Variants in ERI1 observed in about 807,000 individuals in gnomAD.
ERI1 encodes the protein 3'-5' exoribonuclease 1.
Under a neutral mutation model 39.7 loss-of-function variants are expected in ERI1, and 39 were observed. The observed-to-expected ratio is 0.98, with a 90% CI of 0.76 to 1.28. ERI1 has a LOEUF of 1.28. Ranked by LOEUF, ERI1 falls within the 50% of genes most tolerant of loss-of-function variation. The pLI is 0.00. For missense variants in ERI1, 581 were observed against 416.9 expected (o/e 1.39, Z -3.43); for synonymous variants, 204 against 149.6 (o/e 1.36, Z -2.65).
intron 3 of ERI1, among the ~76,000 whole-genome samples, chr8:9,092,051 G>C (rs1799724160): frequency 6.6e-6 from 1 of 152,118 alleles, no homozygotes. Context: ...CCGCCTCCTG[G>C]GCTCAAGTGA....
At chr8:9,069,900 C>T (rs1042933430) in intron 3 of ERI1, among the ~76,000 whole-genome samples, 23 of 152,084 alleles carry the variant, frequency 1.5e-4, no homozygotes, top group African/African-American at 4.3e-4. Flanking sequence ...TTTAGAAAGT[C>T]GCTCCAGTCA....
intron 3 of ERI1, among the ~76,000 whole-genome samples, chr8:9,084,080 G>A (rs559209932): frequency 3.9e-5 from 6 of 152,182 alleles, no homozygotes; most frequent in East Asian, 3.9e-4. Context: ...GGCGTGAGCC[G>A]CCGTGCCCAG....
intron 3 of ERI1, among the ~76,000 whole-genome samples, chr8:9,076,141 C>T (rs7823386): frequency 0.05 from 7,603 of 152,108 alleles, 576 homozygotes; most frequent in African/African-American, 0.16. Flanking sequence ...GACGAGGGCT[C>T]ACTTATTGCC....
Position 9,055,064 on chromosome 8 carries a change from C to T in ERI1, n.299+34600C>T, listed in dbSNP as rs944891881. On this transcript the variant is annotated intron_variant and non_coding_transcript_variant, in intron 3 of 3. Coordinates refer to the ERI1 transcript ENST00000518663. ...GTTTAATTGAGTAAACAACAATTCG[C>T]GAATCAGCAGCTGCCTGAGCCAGAG... is the stretch of plus-strand genomic sequence containing the variant. Among the ~76,000 whole-genome samples the T allele has an allele frequency of 2.0e-5, 3 of 152,262 alleles. No individual in the cohort carries two copies. In the South Asian group the frequency reaches 6.2e-4, roughly 32 times the overall value.
At chr8:9,051,863 C>G (rs766518930) in intron 3 of ERI1, among the ~76,000 whole-genome samples, 6 of 152,160 alleles carry the variant, frequency 3.9e-5, no homozygotes, top group Admixed American at 1.3e-4. Context: ...GTCATTTGGA[C>G]TATAATTGCT....
downstream of ERI1, among the ~76,000 whole-genome samples, chr8:9,034,023 A>G (rs531553348): frequency 6.6e-6 from 1 of 152,364 alleles, no homozygotes; most frequent in African/African-American, 2.4e-5. Context: ...GTGGAGAAGG[A>G]GAACGATTTT....
At position 9,018,279 on chromosome 8, in the gene ERI1, T is replaced by A. The variant is rs748923840; in HGVS notation, c.583-18T>A. ...GCTGCAGCCCTGATTTTTGTATATT[T>A]TACTTTTATATCCTCAGGATCAGGT... On this transcript the variant is annotated intron_variant, in intron 4 of 6. Transcript: ENST00000250263. 3.3e-6 allele frequency: 5 copies of A among 1,507,346 alleles called. No homozygotes were observed. Among genetic ancestry groups the A allele is most frequent in the Non-Finnish European group, 4.6e-6 (5 of 1,090,840 alleles). 93.4% of individuals were successfully genotyped at this position (1,507,346 alleles called of 1,614,324 possible). A position where few individuals can be genotyped will look rare whatever the true frequency, so the allele number is the denominator to read the frequency against.
chr8:9,010,948 T>G (rs1334868446), intron 2 of ERI1, among the ~76,000 whole-genome samples: 2 of 152,154 alleles, frequency 1.3e-5, no homozygotes, highest in African/African-American at 2.4e-5. Context: ...AATGCTCCTT[T>G]GGACAGTTTA....
intron 3 of ERI1, among the ~76,000 whole-genome samples, chr8:9,058,922 G>A (rs1002080015): frequency 3.3e-5 from 5 of 151,918 alleles, no homozygotes; most frequent in Admixed American, 2.6e-4. Flanking sequence ...TTTCATGCGC[G>A]TCCGTGTGAA....
chr8:9,043,636 G>T (rs1035531346), intron 3 of ERI1, among the ~76,000 whole-genome samples: 1 of 152,200 alleles, frequency 6.6e-6, no homozygotes, highest in African/African-American at 2.4e-5. Flanking sequence ...TTCCATGAGA[G>T]GTTGGGCAAT....
At chr8:9,090,199 A>G (rs1238162265) in intron 3 of ERI1, among the ~76,000 whole-genome samples, 5 of 151,728 alleles carry the variant, frequency 3.3e-5, no homozygotes, top group Non-Finnish European at 7.4e-5. Flanking sequence ...TTATGCAGAA[A>G]CTCCACTGCT....
chr8:9,091,918 AAG>A (rs1396681359), intron 3 of ERI1, among the ~76,000 whole-genome samples: 1 of 152,200 alleles, frequency 6.6e-6, no homozygotes, highest in Non-Finnish European at 1.5e-5. Context: ...GGATGTTGGA[AAG>A]AGCTTTCTGA....
At chr8:9,071,502 G>A (rs1053057197) in intron 3 of ERI1, among the ~76,000 whole-genome samples, 1 of 152,178 alleles carries the variant, frequency 6.6e-6, no homozygotes, top group Admixed American at 6.5e-5. Flanking sequence ...TCTTGTAAAT[G>A]ATGTCCTAAT....
intron 3 of ERI1, among the ~76,000 whole-genome samples, chr8:9,058,652 A>G (rs765178338): frequency 6.6e-6 from 1 of 152,126 alleles, no homozygotes; most frequent in African/African-American, 2.4e-5. Flanking sequence ...GACTTAATTG[A>G]ATTGGCATAG....
intron 3 of ERI1, among the ~76,000 whole-genome samples, chr8:9,087,480 C>T (rs1440755642): frequency 2.3e-5 from 3 of 132,892 alleles, no homozygotes; most frequent in African/African-American, 8.6e-5. Context: ...CCAGGCTGGT[C>T]TCGAACTCCT....
In ERI1 at chr8:9,032,395, A is replaced by C. The variant is rs889096935; in HGVS notation, c.*2361A>C. On this transcript the variant is annotated 3_prime_UTR_variant, in exon 7 of 7. Transcript: ENST00000250263. ...TTCTGCTGATTTTTTTCAAATCCGCAATCTTTATAACCAACTGAAGTATAT... is the reference window on the plus strand; with the variant it reads ...TTCTGCTGATTTTTTTCAAATCCGCCATCTTTATAACCAACTGAAGTATAT... 2.0e-5 allele frequency: 3 copies of C among 152,206 alleles called. No individual in the cohort carries two copies. The highest frequency in any genetic ancestry group is 3.2e-3 in the Middle Eastern group (1 of 316). 9.4% of individuals were successfully genotyped at this position (152,206 alleles called of 1,614,324 possible). A position where few individuals can be genotyped will look rare whatever the true frequency, so the allele number is the denominator to read the frequency against.
intron 3 of ERI1, among the ~76,000 whole-genome samples, chr8:9,058,419 C>T (rs2117390558): frequency 6.6e-6 from 1 of 152,282 alleles, no homozygotes; most frequent in East Asian, 1.9e-4. Context: ...GTATGAAGGG[C>T]ATGATAACTA....
At chr8:9,046,695 A>G (rs974137190) in intron 3 of ERI1, among the ~76,000 whole-genome samples, 6 of 152,230 alleles carry the variant, frequency 3.9e-5, no homozygotes, top group Non-Finnish European at 8.8e-5. Flanking sequence ...CACCTTTACT[A>G]TTGAGTCTTT....
chr8:9,032,678 T>G lies in ERI1; in HGVS notation c.*2644T>G, dbSNP rs1253451081. 1 of 152,182 alleles carries G rather than the reference T, an allele frequency of 6.6e-6. No homozygotes were observed. Among genetic ancestry groups the G allele is most frequent in the Admixed American group, 6.5e-5 (1 of 15,284 alleles). 9.4% of individuals were successfully genotyped at this position (152,182 alleles called of 1,614,324 possible). On this transcript the variant is annotated 3_prime_UTR_variant, in exon 7 of 7. Transcript: ENST00000250263. ...TTTAAAAAGATGTGACCAGTTGACTTTTAGTATATCATCCCAAGTATTATC... is the reference window on the plus strand; with the variant it reads ...TTTAAAAAGATGTGACCAGTTGACTGTTAGTATATCATCCCAAGTATTATC...
Sources: gnomAD v4.1 joint callset for allele counts (sites outside exome capture counted in the v4.1 genomes callset) on GRCh38, gnomAD v4.1.1 for gene constraint, MANE v1.5 for transcripts, NCBI Gene and HGNC (gene_info 2026-07-23, HGNC 2026-07-21) for gene names.